CRYBA4: variants seen among roughly 807,000 people sequenced by gnomAD.
CRYBA4 encodes crystallin beta A4.
In CRYBA4, 30 loss-of-function variants were observed where a neutral mutation model predicts 31.7. The ratio of observed to expected loss-of-function variants is 0.95; its 90% CI spans 0.71 to 1.28. The LOEUF (loss-of-function observed/expected upper bound fraction) is 1.28, where lower values mean the gene tolerates loss of function less well. CRYBA4 is among the 50% of genes most tolerant of loss of function. The probability of loss-of-function intolerance (pLI) is 0.00; values close to 1 mark genes in which losing one functional copy is unlikely to be tolerated. For missense variants in CRYBA4, 225 were observed against 260.7 expected (o/e 0.86, Z 0.94); for synonymous variants, 102 against 102.3 (o/e 1.00, Z 0.02).
At chr22:26,599,609 G>A in the CRYBA4 span, 114 of 1,614,002 alleles carry the variant, frequency 7.1e-5, no homozygotes, top group East Asian at 8.9e-5. Flanking sequence ...TTCCAGTGCC[G>A]GAAGTCACCA....
intron 4 of CRYBA4, among the ~76,000 whole-genome samples, chr22:26,626,083 C>T (rs1293344128): frequency 6.6e-6 from 1 of 152,030 alleles, no homozygotes; most frequent in African/African-American, 2.4e-5. Flanking sequence ...TCCCATCTCA[C>T]CAATGAAAAC....
the CRYBA4 span, chr22:26,599,712 G>C: frequency 6.4e-7 from 1 of 1,571,966 alleles, no homozygotes; most frequent in East Asian, 2.2e-5. Context: ...GAGACAGCCT[G>C]TCTCGTTGCC....
the CRYBA4 span, among the ~76,000 whole-genome samples, chr22:26,607,648 G>C: frequency 4.0e-5 from 6 of 151,562 alleles, no homozygotes; most frequent in African/African-American, 1.5e-4. Flanking sequence ...GAAGTTTTTA[G>C]CTCTAACTTG....
the CRYBA4 span, chr22:26,616,078 G>A: frequency 4.7e-6 from 6 of 1,270,614 alleles, no homozygotes; most frequent in Non-Finnish European, 4.6e-6. Flanking sequence ...GGAGAAGAAG[G>A]AGGAGGAGGG....
chr22:26,615,522 CT>C, the CRYBA4 span, among the ~76,000 whole-genome samples: 141 of 146,700 alleles, frequency 9.6e-4, no homozygotes, highest in Admixed American at 1.0e-3. Context: ...CTATTCTTTT[CT>C]TTTTTTTTTT....
the CRYBA4 span, among the ~76,000 whole-genome samples, chr22:26,614,147 C>T: frequency 6.6e-6 from 1 of 152,232 alleles, no homozygotes; most frequent in East Asian, 1.9e-4. Flanking sequence ...TTAATTTTGC[C>T]CCGGTCCTGT....
At chr22:26,612,229 G>C in the CRYBA4 span, 37 of 1,403,888 alleles carry the variant, frequency 2.6e-5, no homozygotes, top group Non-Finnish European at 3.5e-5. Context: ...GCAGAGTGAG[G>C]GGGGAGTCAA....
the CRYBA4 span, among the ~76,000 whole-genome samples, chr22:26,596,176 A>G: frequency 6.6e-6 from 1 of 151,672 alleles, no homozygotes; most frequent in East Asian, 1.9e-4. Context: ...TCTCACTGCA[A>G]CCTCCACCTC....
the CRYBA4 span, among the ~76,000 whole-genome samples, chr22:26,592,133 G>T: frequency 6.6e-6 from 1 of 152,128 alleles, no homozygotes; most frequent in Non-Finnish European, 1.5e-5. Flanking sequence ...TGTTTATTGC[G>T]TGCATGTTAG....
chr22:26,608,859 T>A, the CRYBA4 span, among the ~76,000 whole-genome samples: 30 of 152,284 alleles, frequency 2.0e-4, 1 homozygote, highest in East Asian at 4.8e-3. Context: ...CCTATGGTAA[T>A]ATAATGTGAT....
chr22:26,604,916 G>A, the CRYBA4 span, among the ~76,000 whole-genome samples: 1 of 152,070 alleles, frequency 6.6e-6, no homozygotes, highest in Non-Finnish European at 1.5e-5. Flanking sequence ...CCACCTATGA[G>A]ACCCTACAAG....
the CRYBA4 span, among the ~76,000 whole-genome samples, chr22:26,615,055 G>A: frequency 6.6e-6 from 1 of 152,112 alleles, no homozygotes; most frequent in South Asian, 2.1e-4. Context: ...TGGGTGGTGG[G>A]TTTGTAGGTG....
At chr22:26,612,278 G>A in the CRYBA4 span, 3 of 841,684 alleles carry the variant, frequency 3.6e-6, no homozygotes, top group African/African-American at 1.7e-5. Context: ...AGCCAGCAGT[G>A]CAGGAGTCAC....
intron 1 of CRYBA4, 43 bp downstream of exon 1, chr22:26,622,029 G>A: frequency 1.0e-6 from 1 of 981,558 alleles, no homozygotes; most frequent in South Asian, 4.7e-5. Context: ...AGAGTTCTGA[G>A]TGAGCATTCT....
intron 4 of CRYBA4, among the ~76,000 whole-genome samples, chr22:26,626,359 G>A (rs562501390): frequency 6.6e-6 from 1 of 152,298 alleles, no homozygotes; most frequent in South Asian, 2.1e-4. Flanking sequence ...AGCCAAGATC[G>A]CACCACTGCA....
chr22:26,622,439 G>C, intron 1 of CRYBA4, 146 bp from the exon 2 acceptor site: 1 of 712,516 alleles, frequency 1.4e-6, no homozygotes, highest in South Asian at 1.5e-5. Flanking sequence ...GGACAGGAGA[G>C]GGACAGGCCA....
At chr22:26,612,009 G>C in the CRYBA4 span, 5 of 1,199,632 alleles carry the variant, frequency 4.2e-6, no homozygotes, top group East Asian at 9.3e-5. Flanking sequence ...AGAAATGGCA[G>C]CTACTGTTGT....
At chr22:26,611,129 A>G in the CRYBA4 span, among the ~76,000 whole-genome samples, 5 of 152,194 alleles carry the variant, frequency 3.3e-5, no homozygotes, top group African/African-American at 1.2e-4. Flanking sequence ...GCAGTGAAGC[A>G]TGGTGATTAA....
At chr22:26,599,731 A>G in the CRYBA4 span, 1 of 1,405,546 alleles carries the variant, frequency 7.1e-7, no homozygotes, top group Non-Finnish European at 1.0e-6. Context: ...CCTGGCACCC[A>G]GACCCCTGCC....
Sources: allele counts gnomAD v4.1 joint callset (sites outside exome capture counted in the v4.1 genomes callset), GRCh38; gene constraint gnomAD v4.1.1; transcripts MANE v1.5; gene names NCBI Gene and HGNC (gene_info 2026-07-23, HGNC 2026-07-21).